The following PARP11 variants were observed in gnomAD, a reference collection of about 807,000 sequenced individuals.
The protein encoded by PARP11 is poly(ADP-ribose) polymerase family member 11.
A neutral mutation model predicts 42.9 loss-of-function variants in PARP11; 31 were observed. The observed-to-expected ratio is 0.72, with a 90% CI of 0.54 to 0.98. The LOEUF is 0.98. Among genes scored for constraint, PARP11 ranks in the 50% least tolerant of loss-of-function variants. The pLI, the probability that PARP11 is intolerant of heterozygous loss-of-function variation, is 0.00. For missense variants in PARP11, 365 were observed against 413.1 expected (o/e 0.88, Z 1.01); for synonymous variants, 137 against 127.3 (o/e 1.08, Z -0.51).
Position 3,840,381 on chromosome 12 carries a change from C to T in PARP11, c.19-10363G>A. On this transcript the variant is annotated intron_variant, in intron 1 of 7. Transcript: ENST00000228820. The surrounding 1 kb of genome is among the most constrained non-coding windows in gnomAD (Gnocchi z 4.4). ...AAAATTTCCATTCTGATATGGATTA[C>T]AGAGGGCCAAAGAATCCAAGCAAGC... 1.2e-6 allele frequency: 2 copies of T among 1,613,814 alleles called. No individual in the cohort carries two copies. Among genetic ancestry groups the T allele is most frequent in the South Asian group, 1.1e-5 (1 of 91,064 alleles).
At chr12:3,872,558 G>T in intron 1 of PARP11, 1 of 985,338 alleles carries the variant, frequency 1.0e-6, no homozygotes, top group Non-Finnish European at 1.2e-6. Flanking sequence ...AAATGCTCCA[G>T]ATCACTTTGT....
intron 1 of PARP11, among the ~76,000 whole-genome samples, chr12:3,843,131 G>C (rs1377354025): frequency 1.3e-5 from 2 of 152,126 alleles, no homozygotes; most frequent in Admixed American, 6.5e-5. Context: ...CCTATTAACT[G>C]TGTCTTAGCA....
chr12:3,864,066 G>A (rs1004572339), intron 1 of PARP11: 2 of 152,184 alleles, frequency 1.3e-5, no homozygotes, highest in Non-Finnish European at 2.9e-5. Context: ...AGCCTGTTGC[G>A]TTAACCCCCT....
chr12:3,809,839 C>T lies in PARP11; in HGVS notation c.*2284G>A, dbSNP rs1331311523. 1.3e-5 allele frequency: 2 copies of T among 152,160 alleles called. No homozygotes were observed. The highest frequency in any genetic ancestry group is 3.9e-4 in the East Asian group (2 of 5,192). The allele number at this position is 152,160 out of a possible 1,614,324, so 9.4% of individuals were successfully genotyped here. The stretch of plus-strand genomic sequence containing the variant: ...TGTCTCCAATTATTTTCATGATAAT[C>T]TCTAGATGCTTTTTAAAGCGCTTTT... On this transcript the variant is annotated 3_prime_UTR_variant, in exon 8 of 8. Transcript: ENST00000228820.
At chr12:3,866,858 T>C (rs546764857) in intron 1 of PARP11, among the ~76,000 whole-genome samples, 291 of 86,036 alleles carry the variant, frequency 3.4e-3, no homozygotes, top group African/African-American at 0.01. Flanking sequence ...GGATGTCATA[T>C]ATTATCATGC....
chr12:3,839,823 G>C, intron 1 of PARP11: 3 of 1,151,254 alleles, frequency 2.6e-6, no homozygotes, highest in Non-Finnish European at 4.0e-6. Context: ...TGCTGTATGA[G>C]AAGGTATTTA....
intron 1 of PARP11, among the ~76,000 whole-genome samples, chr12:3,867,291 T>C (rs904683918): frequency 5.9e-5 from 9 of 152,310 alleles, no homozygotes; most frequent in Middle Eastern, 3.4e-3. Context: ...ATATTGACTA[T>C]TCAGAGTATG....
intron 1 of PARP11, chr12:3,863,957 A>G (rs1419337595): frequency 1.3e-5 from 2 of 152,178 alleles, no homozygotes; most frequent in African/African-American, 2.4e-5. Context: ...ATGCAAATAC[A>G]CTATTAAGAC....
chr12:3,838,835 C>T (rs1591778988), intron 1 of PARP11, among the ~76,000 whole-genome samples: 1 of 152,170 alleles, frequency 6.6e-6, no homozygotes. Context: ...TTCCTCGGCT[C>T]CCGGCGTGGG....
chr12:3,841,026 G>C (rs1247656548), intron 1 of PARP11: 1 of 1,586,984 alleles, frequency 6.3e-7, no homozygotes, highest in African/African-American at 1.3e-5. Flanking sequence ...GTCGGTCAGT[G>C]ACACAGACTT....
Position 3,811,547 on chromosome 12 carries a change from C to T in PARP11, c.*576G>A, listed in dbSNP as rs1351702908. 1 of 152,260 alleles carries T rather than the reference C, an allele frequency of 6.6e-6. No individual in the cohort carries two copies. The highest frequency in any genetic ancestry group is 1.5e-5 in the Non-Finnish European group (1 of 68,088). The allele number at this position is 152,260 out of a possible 1,614,324, so 9.4% of individuals were successfully genotyped here. On this transcript the variant is annotated 3_prime_UTR_variant, in exon 8 of 8. Transcript: ENST00000228820. The stretch of plus-strand genomic sequence containing the variant: ...GTGGGGCATTCTACCTTGATTTTCT[C>T]CTTCTGGCTTGTTTGACAGCACTGC...
At chr12:3,863,310 A>G (rs1159932992) in intron 1 of PARP11, among the ~76,000 whole-genome samples, 1 of 152,234 alleles carries the variant, frequency 6.6e-6, no homozygotes, top group East Asian at 1.9e-4. Context: ...CTGAATAAAG[A>G]CAGCTTTACT....
At chr12:3,871,975 GA>G (rs1365031270) in intron 1 of PARP11, 1 of 152,040 alleles carries the variant, frequency 6.6e-6, no homozygotes, top group Non-Finnish European at 1.5e-5. Context: ...TAGAAACTAG[GA>G]TCCCTCTCCT....
At chr12:3,813,613 T>C (rs1947226230) in intron 7 of PARP11, among the ~76,000 whole-genome samples, 3 of 152,236 alleles carry the variant, frequency 2.0e-5, no homozygotes, top group Admixed American at 2.0e-4. Flanking sequence ...TTAATTTACA[T>C]TTTCAAAATG....
Position 3,840,665 on chromosome 12 carries a change from G to C in PARP11, c.19-10647C>G. 5.0e-6 allele frequency: 6 copies of C among 1,196,390 alleles called. No homozygotes were observed. Among genetic ancestry groups the C allele is most frequent in the South Asian group, 3.6e-5 (3 of 82,714 alleles). The allele number at this position is 1,196,390 out of a possible 1,614,324, so 74.1% of individuals were successfully genotyped here. ...ATGTGTCCAGAGAAAATCATCACAC[G>C]TAAGTGATAGAAAAGGAAGCAGGCG... On this transcript the variant is annotated intron_variant, in intron 1 of 7. Coordinates refer to ENST00000228820, the MANE Select transcript of PARP11 (RefSeq NM_020367.6). This position sits in a 1 kb window ranked among gnomAD's most constrained non-coding sequence, Gnocchi z 4.4.
chr12:3,866,052 C>G (rs372876996), intron 1 of PARP11, among the ~76,000 whole-genome samples: 8 of 152,028 alleles, frequency 5.3e-5, no homozygotes, highest in African/African-American at 1.9e-4. Flanking sequence ...CTAACACCCA[C>G]TCCAATTTAA....
chr12:3,872,259 T>C (rs193153212), intron 1 of PARP11, among the ~76,000 whole-genome samples: 4 of 152,266 alleles, frequency 2.6e-5, no homozygotes, highest in African/African-American at 9.6e-5. Context: ...CAGTTGTCTA[T>C]TCTTCATGGG....
chr12:3,846,768 AAAAG>A (rs1005776909), intron 1 of PARP11, among the ~76,000 whole-genome samples: 1 of 132,142 alleles, frequency 7.6e-6, no homozygotes, highest in Non-Finnish European at 1.6e-5. Context: ...AAAAAAAAAA[AAAAG>A]AAAAGAAAAA....
intron 3 of PARP11, 96 bp downstream of exon 3, chr12:3,828,814 G>T: frequency 9.1e-7 from 1 of 1,094,994 alleles, no homozygotes. Context: ...ATACTTCACT[G>T]TTTGCAAATA....
Sources: allele counts gnomAD v4.1 joint callset (sites outside exome capture counted in the v4.1 genomes callset), GRCh38; gene constraint gnomAD v4.1.1; non-coding constraint Gnocchi (gnomAD v3.1); transcripts MANE v1.5; gene names NCBI Gene and HGNC (gene_info 2026-07-23, HGNC 2026-07-21).